BCAT1: variants seen among roughly 807,000 people sequenced by gnomAD.
BCAT1 encodes branched chain amino acid transaminase 1, also known as branched-chain-amino-acid aminotransferase, cytosolic.
BCAT1 carries 48 observed loss-of-function variants against 52.4 expected under a neutral mutation model. That is an observed-to-expected ratio of 0.92 (90% CI 0.73 to 1.16). The LOEUF (loss-of-function observed/expected upper bound fraction) is 1.16, where lower values mean the gene tolerates loss of function less well. Among genes scored for constraint, BCAT1 ranks in the 50% most tolerant of loss-of-function variants. The probability of loss-of-function intolerance (pLI) is 0.00; values close to 1 mark genes in which losing one functional copy is unlikely to be tolerated. For missense variants in BCAT1, 451 were observed against 457.1 expected, an observed-to-expected ratio of 0.99 and a Z score of 0.12; for synonymous variants, 167 against 161.3, an observed-to-expected ratio of 1.04 and a Z score of -0.27.
intron 7 of BCAT1, among the ~76,000 whole-genome samples, chr12:24,837,537 C>T (rs532138770): frequency 6.6e-6 from 1 of 151,314 alleles, no homozygotes; most frequent in East Asian, 2.0e-4. Context: ...AGTGATTCTC[C>T]TGCCTCAGCC....
At chr12:24,859,185 T>C (rs1203374210) in intron 5 of BCAT1, among the ~76,000 whole-genome samples, 1 of 152,218 alleles carries the variant, frequency 6.6e-6, no homozygotes, top group Non-Finnish European at 1.5e-5. Context: ...AAGATGAAAT[T>C]TGGCTTTCTC....
At chr12:24,943,892 G>A (rs954189323) in intron 1 of BCAT1, among the ~76,000 whole-genome samples, 2 of 152,094 alleles carry the variant, frequency 1.3e-5, no homozygotes, top group Non-Finnish European at 2.9e-5. Flanking sequence ...GCTGAGGCAG[G>A]AGAATGGCGT....
At chr12:24,845,023 G>A (rs546628486) in intron 6 of BCAT1, among the ~76,000 whole-genome samples, 1 of 151,630 alleles carries the variant, frequency 6.6e-6, no homozygotes, top group African/African-American at 2.4e-5. Flanking sequence ...GACCAGCCTG[G>A]CTAACATGGT....
At chr12:24,891,703 C>A (rs1027753491) in intron 3 of BCAT1, among the ~76,000 whole-genome samples, 8 of 151,210 alleles carry the variant, frequency 5.3e-5, no homozygotes, top group African/African-American at 1.9e-4. Flanking sequence ...TTGGCAAAAC[C>A]AATCAAAGTA....
chr12:24,834,240 AT>A lies in BCAT1; in HGVS notation c.904-1378del, dbSNP rs1565452305. 1.0e-5 allele frequency: 10 copies of A among 981,478 alleles called. No individual in the cohort carries two copies. In the South Asian group the frequency reaches 1.9e-4, roughly 19 times the overall value. 60.8% of individuals were successfully genotyped at this position (981,478 alleles called of 1,614,324 possible). A position where few individuals can be genotyped will look rare whatever the true frequency, so the allele number is the denominator to read the frequency against. On this transcript the variant is annotated intron_variant, in intron 8 of 10. Transcript: ENST00000261192. ...TTATTTGAGAAATTGTATTGTATGT[AT>A]TTTTTTTCCTAATATGACTAACAGT... is the stretch of plus-strand genomic sequence containing the variant.
At chr12:24,834,091 G>A in intron 8 of BCAT1, 2 of 948,584 alleles carry the variant, frequency 2.1e-6, no homozygotes, top group Non-Finnish European at 2.5e-6. Flanking sequence ...GTGCCAAAGT[G>A]CTGGGATTAT....
At chr12:24,819,011 A>G (rs189817304) in intron 10 of BCAT1, among the ~76,000 whole-genome samples, 65 of 152,298 alleles carry the variant, frequency 4.3e-4, no homozygotes, top group Non-Finnish European at 7.8e-4. Context: ...GTAACTGTAC[A>G]TAGAAGGTAC....
At chr12:24,899,371 C>CA (rs1943035024) in intron 2 of BCAT1, among the ~76,000 whole-genome samples, 1 of 151,490 alleles carries the variant, frequency 6.6e-6, no homozygotes, top group Admixed American at 6.6e-5. Context: ...ATTAGAAAGA[C>CA]AAAAAATAAC....
At chr12:24,910,942 A>G (rs1298181388) in intron 1 of BCAT1, among the ~76,000 whole-genome samples, 1 of 152,126 alleles carries the variant, frequency 6.6e-6, no homozygotes, top group African/African-American at 2.4e-5. Flanking sequence ...TGTCTTTACT[A>G]AAAATACAAA....
rs563583786 is a variant in BCAT1, at chr12:24,812,560, T to G, written c.*5448A>C. On this transcript the variant is annotated 3_prime_UTR_variant, in exon 11 of 11. Transcript: ENST00000261192. ...CTAATATCTGATGAAGTGTTTGCTA[T>G]ATTTAGTCACTACCTAGTAGCATTA... is the stretch of plus-strand genomic sequence containing the variant. 6.6e-6 allele frequency: 1 copy of G among 152,216 alleles called. No individual in the cohort carries two copies. Among genetic ancestry groups the G allele is most frequent in the South Asian group, 2.1e-4 (1 of 4,834 alleles). The allele number at this position is 152,216 out of a possible 1,614,324, so 9.4% of individuals were successfully genotyped here.
chr12:24,846,640 T>C (rs186726127), intron 6 of BCAT1, among the ~76,000 whole-genome samples: 62 of 152,308 alleles, frequency 4.1e-4, no homozygotes, highest in Admixed American at 3.9e-3. Context: ...TCAGTGACTG[T>C]GAGAGTTTAC....
chr12:24,948,285 A>G (rs896104519), intron 1 of BCAT1, among the ~76,000 whole-genome samples: 6 of 152,254 alleles, frequency 3.9e-5, no homozygotes, highest in African/African-American at 1.4e-4. Flanking sequence ...ATAGTCAGAA[A>G]TAATAGGCAG....
intron 1 of BCAT1, among the ~76,000 whole-genome samples, chr12:24,940,175 T>G (rs58469126): frequency 0.16 from 24,278 of 152,206 alleles, 2,493 homozygotes; most frequent in Non-Finnish European, 0.23. Flanking sequence ...ATCTTGTTGA[T>G]AAGTCATTTC....
In BCAT1 at chr12:24,900,446, C is replaced by T. The variant is rs1222562108; in HGVS notation, c.78+1368G>A. 3.3e-5 allele frequency among the ~76,000 whole-genome samples: 5 copies of T among 152,030 alleles called. 1 individual carries two copies. Among genetic ancestry groups the T allele is most frequent in the African/African-American group, 1.2e-4 (5 of 41,390 alleles). On this transcript the variant is annotated intron_variant, in intron 2 of 10. Transcript: ENST00000261192. Reference sequence around the variant, plus strand: ...ACAAAAAATGACGAAATTAGTTGGGCCTGATGGCATGCAAGCCGATAGTCT... The same window carrying T: ...ACAAAAAATGACGAAATTAGTTGGGTCTGATGGCATGCAAGCCGATAGTCT...
chr12:24,869,847 C>T (rs1025114156), intron 5 of BCAT1, among the ~76,000 whole-genome samples: 3 of 152,210 alleles, frequency 2.0e-5, no homozygotes, highest in African/African-American at 4.8e-5. Context: ...TAGATTTTCA[C>T]TTTCACTCTT....
At chr12:24,887,080 A>AAAAAAAAAAAAAATATAT (rs1245203518) in intron 3 of BCAT1, among the ~76,000 whole-genome samples, 8 of 40,748 alleles carry the variant, frequency 2.0e-4, no homozygotes, top group Non-Finnish European at 3.1e-4. Context: ...AAAAAAAAAA[A>AAAAAAAAAAAAAATATAT]ATATATATAT....
intron 5 of BCAT1, among the ~76,000 whole-genome samples, chr12:24,859,380 G>A (rs1441007571): frequency 6.6e-6 from 1 of 152,106 alleles, no homozygotes; most frequent in Non-Finnish European, 1.5e-5. Flanking sequence ...CAGCACTTTG[G>A]GAGGCTGAGG....
At chr12:24,918,345 TCC>T (rs1272499822) in intron 1 of BCAT1, among the ~76,000 whole-genome samples, 1 of 152,174 alleles carries the variant, frequency 6.6e-6, no homozygotes, top group Non-Finnish European at 1.5e-5. Context: ...CGGCCAGTGC[TCC>T]CTAGGCTCAT....
Position 24,948,917 on chromosome 12 carries a change from A to G in BCAT1, c.6+10T>C. ...TTTTGTAAAACACGGACAAAACCAT[A>G]AGTAGTTACCTTCATTGTTCCGTCG... On this transcript the variant is annotated intron_variant, in intron 1 of 10. Coordinates refer to ENST00000261192, the MANE Select transcript of BCAT1 (RefSeq NM_005504.7). 1 of 1,595,926 alleles carries G rather than the reference A, an allele frequency of 6.3e-7. No individual in the cohort carries two copies. The highest frequency in any genetic ancestry group is 8.5e-7 in the Non-Finnish European group (1 of 1,170,792).
Sources: gnomAD v4.1 joint callset for allele counts (sites outside exome capture counted in the v4.1 genomes callset) on GRCh38, gnomAD v4.1.1 for gene constraint, MANE v1.5 for transcripts, NCBI Gene and HGNC (gene_info 2026-07-23, HGNC 2026-07-21) for gene names.